Variants in ZNF717 observed in about 807,000 individuals in gnomAD.
The protein encoded by ZNF717 is zinc finger protein 717, also known as krueppel-like factor X17.
ZNF717 carries 9 observed loss-of-function variants against 13.8 expected under a neutral mutation model. That is an observed-to-expected ratio of 0.65 (90% CI 0.39 to 1.14). The LOEUF (loss-of-function observed/expected upper bound fraction) is 1.14. ZNF717 is among the 50% of genes most tolerant of loss of function. The pLI is 0.01. For synonymous variants in ZNF717, 327 were observed against 364.1 expected (o/e 0.90, Z 1.16); for missense variants, 1,040 against 1,080.7 (o/e 0.96, Z 0.53).
intron 6 of ZNF717, among the ~76,000 whole-genome samples, chr3:75,702,761 T>C (rs1937720916): frequency 6.6e-6 from 1 of 152,190 alleles, no homozygotes; most frequent in Non-Finnish European, 1.5e-5. Flanking sequence ...CCCACAAAAA[T>C]AAATTAAAGA....
Position 75,738,517 on chromosome 3 carries a change from C to T in ZNF717, c.1106G>A (p.Cys369Tyr). Residue 369 changes from cysteine to tyrosine, a missense_variant, in exon 5 of 5, where the codon TGT becomes TAT. Transcript: ENST00000652011. The part of the protein sequence containing the change: ...RTHTGDKPYK[C>Y]IECGKTFHCK... Reference sequence around the variant, plus strand: ...GTGAAAAGTTTTTCCACATTCAATACATTTGTAGGGTTTATCCCCTGTGTG... The same window carrying T: ...GTGAAAAGTTTTTCCACATTCAATATATTTGTAGGGTTTATCCCCTGTGTG... The T allele has an allele frequency of 1.9e-6, 3 of 1,541,606 alleles. No individual in the cohort carries two copies. The highest frequency in any genetic ancestry group is 2.5e-5 in the East Asian group (1 of 40,572).
intron 2 of ZNF717, among the ~76,000 whole-genome samples, chr3:75,769,109 A>C (rs1389674322): frequency 6.6e-6 from 1 of 152,192 alleles, no homozygotes; most frequent in East Asian, 1.9e-4. Flanking sequence ...GGGGAATCTA[A>C]TCACCTTCCC....
intron 2 of ZNF717, among the ~76,000 whole-genome samples, chr3:75,748,553 T>A (rs112911844): frequency 6.6e-6 from 1 of 152,140 alleles, no homozygotes; most frequent in African/African-American, 2.4e-5. Flanking sequence ...AATCAATAAA[T>A]GTAATCCAGC....
At chr3:75,779,211 A>C (rs1422164127) in intron 2 of ZNF717, among the ~76,000 whole-genome samples, 15 of 150,722 alleles carry the variant, frequency 1.0e-4, no homozygotes, top group African/African-American at 3.7e-4. Flanking sequence ...AACCCAAAAC[A>C]ATGGGAGTGA....
intron 4 of ZNF717, among the ~76,000 whole-genome samples, chr3:75,716,825 C>CT (rs1938065465): frequency 6.6e-6 from 1 of 152,198 alleles, no homozygotes; most frequent in Non-Finnish European, 1.5e-5. Flanking sequence ...TACTATGTTC[C>CT]TCCTTGTCTT....
chr3:75,744,466 C>A (rs1361892222), intron 2 of ZNF717, among the ~76,000 whole-genome samples: 1 of 152,230 alleles, frequency 6.6e-6, no homozygotes, highest in Non-Finnish European at 1.5e-5. Flanking sequence ...AAACCACTGC[C>A]CCCAGGATTG....
intron 2 of ZNF717, among the ~76,000 whole-genome samples, chr3:75,749,059 T>A (rs1157261760): frequency 6.6e-6 from 1 of 152,020 alleles, no homozygotes; most frequent in Non-Finnish European, 1.5e-5. Context: ...AGGGTCTGAA[T>A]GTTTGTCCAT....
At chr3:75,729,161 G>C (rs1409809253), downstream of ZNF717, among the ~76,000 whole-genome samples, 1 of 152,158 alleles carries the variant, frequency 6.6e-6, no homozygotes, top group Admixed American at 6.5e-5. Context: ...GTGTCAGGTA[G>C]GCAGAGGGGT....
At chr3:75,694,922 G>T (rs1575755843) in intron 6 of ZNF717, among the ~76,000 whole-genome samples, 1 of 151,998 alleles carries the variant, frequency 6.6e-6, no homozygotes, top group Non-Finnish European at 1.5e-5. Context: ...CAGGAAGAAA[G>T]GAAAGAAGGG....
chr3:75,754,824 C>T (rs563561863), intron 2 of ZNF717, among the ~76,000 whole-genome samples: 16 of 152,240 alleles, frequency 1.1e-4, no homozygotes, highest in Non-Finnish European at 2.1e-4. Flanking sequence ...AGACACCAAA[C>T]CAAAGATCCA....
chr3:75,753,796 C>T (rs1208497660), intron 2 of ZNF717, among the ~76,000 whole-genome samples: 2 of 133,972 alleles, frequency 1.5e-5, no homozygotes, highest in African/African-American at 5.7e-5. Flanking sequence ...TTGTTCCTCA[C>T]ATAGGATTCC....
chr3:75,729,152 T>C (rs1938370297), downstream of ZNF717, among the ~76,000 whole-genome samples: 1 of 152,138 alleles, frequency 6.6e-6, no homozygotes, highest in Non-Finnish European at 1.5e-5. Context: ...TATGCATTTG[T>C]GTCAGGTAGG....
In ZNF717 at chr3:75,722,803, CAAAAAA is replaced by C. The variant is rs146853808; in HGVS notation, n.545-6268_545-6263del. On this transcript the variant is annotated intron_variant and non_coding_transcript_variant, in intron 4 of 5. Transcript: ENST00000491507. ...CTGGTGACAGAGTGAAACTCCATCT[CAAAAAA>C]AAAAAAAAAAAAAATTTAAGTATTT... 4.9e-3 allele frequency among the ~76,000 whole-genome samples: 480 copies of C among 98,884 alleles called. 7 individuals carry two copies. Among genetic ancestry groups the C allele is most frequent in the African/African-American group, 0.021 (442 of 20,926 alleles). The allele number at this position is 98,884 out of a possible 152,430, so 64.9% of individuals were successfully genotyped here.
chr3:75,752,311 GTT>G, intron 2 of ZNF717, among the ~76,000 whole-genome samples: 1 of 15,294 alleles, frequency 6.5e-5, no homozygotes, highest in East Asian at 3.9e-3. Context: ...GGGTCTGAAT[GTT>G]TGTCCCTCAC....
At chr3:75,741,556 A>G in intron 3 of ZNF717, 54 bp downstream of exon 3, 2 of 1,554,984 alleles carry the variant, frequency 1.3e-6, no homozygotes, top group Non-Finnish European at 8.7e-7. Flanking sequence ...AAGGGTTCCT[A>G]TATTTACCAG....
chr3:75,703,893 T>C (rs1937746074), intron 6 of ZNF717, among the ~76,000 whole-genome samples: 1 of 152,310 alleles, frequency 6.6e-6, no homozygotes. Flanking sequence ...ATACTCATGG[T>C]CTGAAAATAG....
downstream of ZNF717, among the ~76,000 whole-genome samples, chr3:75,733,778 C>CAAAAAAAAAAAAAAAAA (rs56196464): frequency 1.9e-4 from 5 of 26,648 alleles, 1 homozygote; most frequent in African/African-American, 8.7e-4. Flanking sequence ...GACTCTATCT[C>CAAAAAAAAAAAAAAAAA]AAAAAAAAAA....
intron 6 of ZNF717, among the ~76,000 whole-genome samples, chr3:75,698,002 G>T (rs1208134295): frequency 3.9e-5 from 6 of 152,306 alleles, no homozygotes; most frequent in African/African-American, 1.2e-4. Context: ...AAAGTGGTTG[G>T]CTGAATTTCT....
chr3:75,743,806 GGTGTT>G (rs1322270337), intron 2 of ZNF717, among the ~76,000 whole-genome samples: 2 of 152,232 alleles, frequency 1.3e-5, no homozygotes, highest in Admixed American at 1.3e-4. Context: ...GTTTGGTACT[GGTGTT>G]GTGAAGTGAA....
Sources: gnomAD v4.1 joint callset for allele counts (sites outside exome capture counted in the v4.1 genomes callset) on GRCh38, gnomAD v4.1.1 for gene constraint, MANE v1.5 for transcripts, NCBI Gene and HGNC (gene_info 2026-07-23, HGNC 2026-07-21) for gene names.